The following XAF1 variants were observed in gnomAD, a reference collection of about 807,000 sequenced individuals.
XAF1 encodes XIAP associated factor 1, also known as XIAP-associated factor 1.
Under a neutral mutation model 32.3 loss-of-function variants are expected in XAF1, and 32 were observed. The ratio of observed to expected loss-of-function variants is 0.99; its 90% CI spans 0.75 to 1.33. XAF1 has a LOEUF of 1.33. Among genes scored for constraint, XAF1 ranks in the 40% most tolerant of loss-of-function variants. XAF1 has a pLI of 0.00. For missense variants in XAF1, 379 were observed against 366.0 expected (o/e 1.04, Z -0.29); for synonymous variants, 120 against 125.9 (o/e 0.95, Z 0.31).
At chr17:6,759,393 G>A in intron 2 of XAF1, 1 of 1,372,994 alleles carries the variant, frequency 7.3e-7, no homozygotes, top group Non-Finnish European at 9.4e-7. Flanking sequence ...GCCTTTCCAT[G>A]TCCATTCCTC....
chr17:6,764,065 C>G (rs1975415588), intron 5 of XAF1, among the ~76,000 whole-genome samples: 1 of 152,202 alleles, frequency 6.6e-6, no homozygotes, highest in Non-Finnish European at 1.5e-5. Flanking sequence ...GTGGGGAGCT[C>G]CAATACACAT....
intron 6 of XAF1, 22 bp from the exon 7 acceptor site, chr17:6,773,090 CT>C (rs1391680282): frequency 2.5e-6 from 4 of 1,600,120 alleles, no homozygotes; most frequent in African/African-American, 2.7e-5. Context: ...CCATATCAAA[CT>C]TTTTTTATAT....
intron 5 of XAF1, among the ~76,000 whole-genome samples, chr17:6,763,368 C>T (rs1297533279): frequency 2.0e-5 from 3 of 152,068 alleles, no homozygotes; most frequent in African/African-American, 7.2e-5. Flanking sequence ...CACTCTGTTG[C>T]CCAGGCTGGA....
chr17:6,769,179 T>A (rs911380934), intron 5 of XAF1, among the ~76,000 whole-genome samples: 6 of 152,148 alleles, frequency 3.9e-5, no homozygotes, highest in Non-Finnish European at 8.8e-5. Flanking sequence ...ATTCATTCTT[T>A]CTTGGCCAAA....
In XAF1 at chr17:6,773,751, C is replaced by T. The variant is rs1976225576; in HGVS notation, c.*582C>T. ...CAAAATATGGTAGCATTTTTATACA[C>T]CAACGACATCCAAGCTGAGAGCCAA... On this transcript the variant is annotated 3_prime_UTR_variant, in exon 7 of 7. Transcript: ENST00000361842. 6.6e-6 allele frequency: 1 copy of T among 152,136 alleles called. No homozygotes were observed. The highest frequency in any genetic ancestry group is 2.4e-5 in the African/African-American group (1 of 41,422). The allele number at this position is 152,136 out of a possible 1,614,324, so 9.4% of individuals were successfully genotyped here.
upstream of XAF1, chr17:6,755,844 G>T (rs543144175): frequency 8.1e-6 from 11 of 1,356,578 alleles, no homozygotes; most frequent in South Asian, 1.6e-4. Flanking sequence ...GGAGGTAGAT[G>T]CGGCTGTGAC....
chr17:6,760,675 G>A, intron 4 of XAF1, 74 bp downstream of exon 4: 3 of 1,446,050 alleles, frequency 2.1e-6, no homozygotes, highest in Non-Finnish European at 1.9e-6. Flanking sequence ...TGCAAGGAAG[G>A]GAAGCTCTCA....
At chr17:6,756,849 C>T (rs976245639) in intron 1 of XAF1, among the ~76,000 whole-genome samples, 3 of 152,170 alleles carry the variant, frequency 2.0e-5, no homozygotes, top group African/African-American at 4.8e-5. Context: ...TCTCGGAGCA[C>T]GTCCCCTGTG....
chr17:6,767,231 CAAAT>C (rs1975687158), intron 5 of XAF1, among the ~76,000 whole-genome samples: 1 of 152,044 alleles, frequency 6.6e-6, no homozygotes, highest in African/African-American at 2.4e-5. Flanking sequence ...CAAAAACTTT[CAAAT>C]AAATATGACA....
At chr17:6,759,885 C>G in intron 3 of XAF1, 167 bp downstream of exon 3, 1 of 1,148,776 alleles carries the variant, frequency 8.7e-7, no homozygotes, top group Non-Finnish European at 1.2e-6. Context: ...AACACAGGTT[C>G]TCCTGTCCCC....
intron 5 of XAF1, among the ~76,000 whole-genome samples, chr17:6,767,158 G>A (rs2151551205): frequency 6.6e-6 from 1 of 152,016 alleles, no homozygotes; most frequent in South Asian, 2.1e-4. Context: ...AAATCATTCT[G>A]TATTCTATAA....
At chr17:6,773,043 C>G (rs936495799) in intron 6 of XAF1, 70 bp from the exon 7 acceptor site, 2 of 1,341,118 alleles carry the variant, frequency 1.5e-6, no homozygotes, top group Non-Finnish European at 2.1e-6. Flanking sequence ...ACAGCAATAT[C>G]CAGAGATATT....
At chr17:6,766,884 T>C (rs1975661537) in intron 5 of XAF1, among the ~76,000 whole-genome samples, 2 of 152,230 alleles carry the variant, frequency 1.3e-5, no homozygotes, top group African/African-American at 4.8e-5. Flanking sequence ...GTCTGGAATT[T>C]CTTCCACTCT....
intron 3 of XAF1, among the ~76,000 whole-genome samples, chr17:6,760,076 G>T (rs1247505663): frequency 2.0e-5 from 3 of 152,130 alleles, no homozygotes; most frequent in East Asian, 3.9e-4. Flanking sequence ...TCGGCCAGGC[G>T]CAGTGGCACA....
upstream of XAF1, chr17:6,755,757 G>A: frequency 8.6e-7 from 1 of 1,156,326 alleles, no homozygotes; most frequent in Non-Finnish European, 1.1e-6. Context: ...CAGACGGAGA[G>A]AAGCCAGCCA....
At position 6,774,919 on chromosome 17, in the gene XAF1, T is replaced by G. The variant is rs1317768261; in HGVS notation, c.*1750T>G. The G allele has an allele frequency of 6.6e-6, 1 of 152,128 alleles. No individual in the cohort carries two copies. The highest frequency in any genetic ancestry group is 2.4e-5 in the African/African-American group (1 of 41,414). 9.4% of individuals were successfully genotyped at this position (152,128 alleles called of 1,614,324 possible). On this transcript the variant is annotated 3_prime_UTR_variant, in exon 7 of 7. Transcript: ENST00000361842. ...AGCCAGGCGTGGTGGCGAGCACCTG[T>G]CATCCCAGCTACTTGGGAGGCCTAG...
chr17:6,766,164 A>C (rs1975617442), intron 5 of XAF1, among the ~76,000 whole-genome samples: 1 of 152,170 alleles, frequency 6.6e-6, no homozygotes, highest in South Asian at 2.1e-4. Flanking sequence ...GAGATGTACC[A>C]CAACAACCTA....
intron 4 of XAF1, 100 bp downstream of exon 4, chr17:6,760,701 A>G: frequency 8.3e-7 from 1 of 1,211,896 alleles, no homozygotes. Context: ...ACGGATGACA[A>G]GTGTATTTGC....
chr17:6,765,340 G>A (rs1304746702), intron 5 of XAF1, among the ~76,000 whole-genome samples: 1 of 152,126 alleles, frequency 6.6e-6, no homozygotes, highest in Non-Finnish European at 1.5e-5. Context: ...GTGAACCCAG[G>A]AGGCGGAGCT....
Sources: allele counts gnomAD v4.1 joint callset (sites outside exome capture counted in the v4.1 genomes callset), GRCh38; gene constraint gnomAD v4.1.1; transcripts MANE v1.5; gene names NCBI Gene and HGNC (gene_info 2026-07-23, HGNC 2026-07-21).